SP140: variants seen among roughly 807,000 people sequenced by gnomAD.
SP140 encodes SP140 nuclear body protein.
SP140 carries 81 observed loss-of-function variants against 125.0 expected under a neutral mutation model. The ratio of observed to expected loss-of-function variants is 0.65; its 90% CI spans 0.54 to 0.78. SP140 has a LOEUF of 0.78. Ranked by LOEUF, SP140 falls within the 30% of genes least tolerant of loss-of-function variation. The pLI is 0.00. For synonymous variants in SP140, 312 were observed against 354.0 expected, an observed-to-expected ratio of 0.88 and a Z score of 1.33; for missense variants, 858 against 1,037.0, an observed-to-expected ratio of 0.83 and a Z score of 2.37.
intron 12 of SP140, among the ~76,000 whole-genome samples, chr2:230,259,400 G>A (rs978709219): frequency 2.6e-5 from 4 of 151,922 alleles, no homozygotes; most frequent in South Asian, 2.1e-4. Context: ...TCTCCAAGCC[G>A]GGCACGGTGG....
At chr2:230,225,708 C>A (rs923043855), upstream of SP140, 5 of 737,096 alleles carry the variant, frequency 6.8e-6, no homozygotes, top group Non-Finnish European at 1.2e-5. Context: ...GGTGCACCCA[C>A]GTCAGCTAGT....
intron 22 of SP140, among the ~76,000 whole-genome samples, chr2:230,305,473 G>A (rs373889164): frequency 3.7e-4 from 57 of 152,368 alleles, no homozygotes; most frequent in Middle Eastern, 3.4e-3. Flanking sequence ...GGCGCTGGCC[G>A]TGGGTCTTAG....
intron 21 of SP140, among the ~76,000 whole-genome samples, chr2:230,295,541 G>A (rs142629046): frequency 1.1e-4 from 17 of 152,296 alleles, no homozygotes; most frequent in Non-Finnish European, 2.2e-4. Context: ...ACTTAGCAGC[G>A]ACAAGGTGCA....
intron 6 of SP140, 83 bp from the exon 7 acceptor site, chr2:230,245,780 C>A: frequency 3.4e-6 from 3 of 885,574 alleles, no homozygotes; most frequent in East Asian, 2.4e-5. Context: ...AGTTCTACAC[C>A]CGAATATTAG....
chr2:230,232,611 G>A (rs2047419506), intron 1 of SP140, among the ~76,000 whole-genome samples: 1 of 151,958 alleles, frequency 6.6e-6, no homozygotes, highest in South Asian at 2.1e-4. Flanking sequence ...TTTAAATTTT[G>A]GTTTTATTAT....
chr2:230,200,568 A>C (rs2043084382), upstream of SP140: 2 of 395,920 alleles, frequency 5.1e-6, no homozygotes, highest in East Asian at 1.1e-4. Flanking sequence ...AGTACCATGA[A>C]TATACTTAGG....
In SP140 at chr2:230,218,999, C is replaced by T. The variant is rs1358188923; in HGVS notation, c.-91+4925C>T. ...CAGCACTTTGGGAGGTTGAGGTGGG[C>T]GGATCAGCTGAGGTCAGGAGTTCGA... is the stretch of plus-strand genomic sequence containing the variant. On this transcript the variant is annotated intron_variant, in intron 3 of 4. Coordinates refer to the SP140 transcript ENST00000456542. Among the ~76,000 whole-genome samples the T allele has an allele frequency of 5.9e-5, 9 of 152,026 alleles. No homozygotes were observed. The South Asian group carries it at 8.3e-4, about 14-fold the overall frequency.
chr2:230,249,819 C>G (rs2050078256), intron 9 of SP140, among the ~76,000 whole-genome samples: 1 of 152,162 alleles, frequency 6.6e-6, no homozygotes, highest in Non-Finnish European at 1.5e-5. Context: ...AGAAGCAGCT[C>G]CCAGCAAAGG....
At chr2:230,262,578 G>A (rs114415812) in intron 12 of SP140, among the ~76,000 whole-genome samples, 1,806 of 152,148 alleles carry the variant, frequency 0.012, 28 homozygotes, top group African/African-American at 0.032. Context: ...TTCTGATGTA[G>A]GTGTTCAGGG....
intron 22 of SP140, among the ~76,000 whole-genome samples, chr2:230,309,718 T>C (rs554532131): frequency 9.9e-4 from 151 of 152,388 alleles, no homozygotes; most frequent in Non-Finnish European, 1.6e-3. Flanking sequence ...TTTTCAATTC[T>C]GACCCATACC....
Position 230,312,638 on chromosome 2 carries a change from A to G in SP140, c.2558A>G (p.Asn853Ser). 1 of 1,613,192 alleles carries G rather than the reference A, an allele frequency of 6.2e-7. No individual in the cohort carries two copies. ...AGACTGGAGGCTGAGTTTGAGAAGA[A>G]TTTCAAGGAAGTGTTTGCTATTCAG... The part of the protein sequence containing the change: ...GFRLEAEFEK[N>S]FKEVFAIQET... Residue 853 changes from asparagine (N) to serine (S), a missense_variant, in exon 27 of 27, where the codon AAT (asparagine) becomes AGT (serine). Asn to Ser is a conservative substitution (Grantham distance 46, BLOSUM62 1). Around this residue, in one of 4 missense-constraint regions of SP140, gnomAD observed 43 missense variants for 35.1 expected, o/e 1.23. Coordinates refer to ENST00000392045, the MANE Select transcript of SP140 (RefSeq NM_007237.5).
At chr2:230,218,963 G>A (rs1347766241) in intron 3 of SP140, among the ~76,000 whole-genome samples, 6 of 152,220 alleles carry the variant, frequency 3.9e-5, no homozygotes, top group Admixed American at 3.3e-4. Flanking sequence ...GGTGGCTCAT[G>A]CCTGTAATCC....
At chr2:230,206,597 A>ATT (rs1255888269) in intron 1 of SP140, among the ~76,000 whole-genome samples, 1 of 29,478 alleles carries the variant, frequency 3.4e-5, no homozygotes, top group African/African-American at 2.3e-4. Context: ...TCCAGATTTT[A>ATT]TATATATATA....
In SP140 at chr2:230,230,027, A is replaced by G. The variant is rs572149459; in HGVS notation, c.59+4124A>G. 7.8e-4 allele frequency among the ~76,000 whole-genome samples: 118 copies of G among 152,224 alleles called. 1 individual carries two copies. The highest frequency in any genetic ancestry group is 1.4e-3 in the Non-Finnish European group (98 of 68,014). ...AATATAAAATTGTAATTGCCAAACT[A>G]GACTCTTCTTGTCCATTGCCCAGAA... is the stretch of plus-strand genomic sequence containing the variant. On this transcript the variant is annotated intron_variant, in intron 1 of 26. Coordinates refer to ENST00000392045, the MANE Select transcript of SP140 (RefSeq NM_007237.5).
At chr2:230,248,509 C>CA (rs2049846587) in intron 8 of SP140, among the ~76,000 whole-genome samples, 1 of 151,966 alleles carries the variant, frequency 6.6e-6, no homozygotes, top group Non-Finnish European at 1.5e-5. Context: ...ATCATGGAAA[C>CA]ACAGCATGGA....
At chr2:230,310,307 A>G in intron 23 of SP140, 3 of 507,558 alleles carry the variant, frequency 5.9e-6, no homozygotes, top group Non-Finnish European at 1.1e-5. Context: ...CCTTTCCTTG[A>G]AGTTTTGCAG....
chr2:230,220,407 AAC>A (rs1202798064), intron 3 of SP140, among the ~76,000 whole-genome samples: 1 of 152,190 alleles, frequency 6.6e-6, no homozygotes, highest in Admixed American at 6.5e-5. Context: ...AAACTCTAAC[AAC>A]ACACAAAAAA....
intron 9 of SP140, among the ~76,000 whole-genome samples, chr2:230,250,725 T>C (rs2050231280): frequency 6.6e-6 from 1 of 151,786 alleles, no homozygotes; most frequent in South Asian, 2.1e-4. Context: ...GAAATGTGCC[T>C]AGGAAAGGGG....
chr2:230,221,883 AT>A (rs2045848894), upstream of SP140: 1 of 690,994 alleles, frequency 1.4e-6, no homozygotes, highest in Admixed American at 2.5e-5. Context: ...AAATTGTTAC[AT>A]GAAAAAAAGA....
Sources: gnomAD v4.1 joint callset for allele counts (sites outside exome capture counted in the v4.1 genomes callset) on GRCh38, gnomAD v4.1.1 for gene constraint, gnomAD v4.1.1 regional missense constraint, MANE v1.5 for transcripts, NCBI Gene and HGNC (gene_info 2026-07-23, HGNC 2026-07-21) for gene names.